The following TMPRSS7 variants were observed in gnomAD, a reference collection of about 807,000 sequenced individuals.
TMPRSS7 encodes transmembrane serine protease 7.
A neutral mutation model predicts 95.6 loss-of-function variants in TMPRSS7; 81 were observed. That is an observed-to-expected ratio of 0.85 (90% CI 0.71 to 1.02). TMPRSS7 has a LOEUF of 1.02. Among genes scored for constraint, TMPRSS7 ranks in the 50% least tolerant of loss-of-function variants. The probability of loss-of-function intolerance (pLI) is 0.00; values close to 1 mark genes in which losing one functional copy is unlikely to be tolerated. For synonymous variants in TMPRSS7, 364 were observed against 337.8 expected, an observed-to-expected ratio of 1.08 and a Z score of -0.85; for missense variants, 945 against 955.2, an observed-to-expected ratio of 0.99 and a Z score of 0.14.
chr3:112,046,065 G>A lies in TMPRSS7; in HGVS notation c.691+122G>A, dbSNP rs116816360. 1.3e-3 allele frequency: 1,141 copies of A among 871,406 alleles called. 10 individuals carry two copies. The highest frequency in any genetic ancestry group is 0.013 in the African/African-American group (744 of 58,772). 54.0% of individuals were successfully genotyped at this position (871,406 alleles called of 1,614,324 possible). On this transcript the variant is annotated intron_variant, in intron 5 of 17. Coordinates refer to ENST00000452346, the Ensembl canonical transcript of TMPRSS7. ...GGGATTACCCCACAATCCCAGTGGC[G>A]CAGGATTAACTAAAGACATTGGAGC... is the stretch of plus-strand genomic sequence containing the variant.
intron 6 of TMPRSS7, chr3:112,047,454 T>G (rs980733505): frequency 5.1e-6 from 3 of 587,410 alleles, no homozygotes; most frequent in Admixed American, 4.3e-5. Context: ...GACATGCCTA[T>G]TCTTGAAATG....
intron 2 of TMPRSS7, among the ~76,000 whole-genome samples, chr3:112,039,930 T>C (rs763798741): frequency 2.0e-5 from 3 of 152,092 alleles, no homozygotes; most frequent in Non-Finnish European, 4.4e-5. Flanking sequence ...CCTTTAACCT[T>C]TGGGGTCTGA....
At chr3:112,074,339 T>G in exon 14 of TMPRSS7, 1 of 1,614,140 alleles carries the variant, frequency 6.2e-7, no homozygotes, top group Non-Finnish European at 8.5e-7. Context: ...GCAATGATAT[T>G]TGCTTTAGGA....
At chr3:112,043,135 T>C (rs2073232017) in intron 3 of TMPRSS7, 1 of 455,858 alleles carries the variant, frequency 2.2e-6, no homozygotes. Flanking sequence ...GATACTGTTG[T>C]ACAAACATCA....
intron 9 of TMPRSS7, among the ~76,000 whole-genome samples, chr3:112,053,111 G>A (rs1214060979): frequency 2.0e-5 from 3 of 151,612 alleles, no homozygotes; most frequent in Admixed American, 6.6e-5. Flanking sequence ...AAAACATCAG[G>A]GCATGTTACT....
chr3:112,071,634 C>T (rs60596183), intron 13 of TMPRSS7, among the ~76,000 whole-genome samples: 4,556 of 152,168 alleles, frequency 0.03, 190 homozygotes, highest in African/African-American at 0.088. Context: ...TCTTGGAGAC[C>T]TTGTTCATTT....
At chr3:112,055,150 C>T (rs1350667505) in intron 9 of TMPRSS7, among the ~76,000 whole-genome samples, 2 of 152,078 alleles carry the variant, frequency 1.3e-5, no homozygotes, top group African/African-American at 2.4e-5. Flanking sequence ...AATCCTTTTC[C>T]GATTGAGCCC....
At chr3:112,079,400 C>T (rs2107766110) in intron 17 of TMPRSS7, among the ~76,000 whole-genome samples, 1 of 152,244 alleles carries the variant, frequency 6.6e-6, no homozygotes, top group African/African-American at 2.4e-5. Context: ...ACATGATTGC[C>T]AAAGAGTAAA....
intron 9 of TMPRSS7, among the ~76,000 whole-genome samples, chr3:112,053,203 A>T (rs192570348): frequency 1.3e-5 from 2 of 150,970 alleles, no homozygotes; most frequent in Admixed American, 1.3e-4. Context: ...AAACTCGATG[A>T]CTTAAGTAAC....
exon 10 of TMPRSS7, chr3:112,057,105 T>C (rs1429199263): frequency 6.2e-7 from 1 of 1,612,732 alleles, no homozygotes; most frequent in Non-Finnish European, 8.5e-7. Context: ...GCTGTGAGCA[T>C]GGATGGTGGG....
intron 13 of TMPRSS7, 127 bp downstream of exon 13, chr3:112,066,629 G>A: frequency 1.3e-6 from 1 of 782,742 alleles, no homozygotes; most frequent in African/African-American, 1.7e-5. Context: ...AACTTCTCCA[G>A]TTTTAGCACT....
intron 3 of TMPRSS7, chr3:112,043,202 G>A: frequency 2.3e-6 from 1 of 431,126 alleles, no homozygotes. Context: ...CAGGCTAGAT[G>A]GTATAGCCTA....
chr3:112,075,509 CT>C lies in TMPRSS7; in HGVS notation c.1955+19del. 7.1e-7 allele frequency: 1 copy of C among 1,412,068 alleles called. No homozygotes were observed. Among genetic ancestry groups the C allele is most frequent in the Non-Finnish European group, 9.3e-7 (1 of 1,075,248 alleles). 87.5% of individuals were successfully genotyped at this position (1,412,068 alleles called of 1,614,324 possible). ...TGGAAACAGGTAGGGCCTCACGGTC[CT>C]TACTTTCAAGTGGCACTCTGTGGCC... is the stretch of plus-strand genomic sequence containing the variant. On this transcript the variant is annotated intron_variant, in intron 15 of 17. Coordinates refer to ENST00000452346, the Ensembl canonical transcript of TMPRSS7.
intron 1 of TMPRSS7, among the ~76,000 whole-genome samples, chr3:112,036,026 G>A (rs1407471478): frequency 6.6e-6 from 1 of 152,190 alleles, no homozygotes; most frequent in Non-Finnish European, 1.5e-5. Context: ...ACAACCGTAT[G>A]TAAACACACA....
At position 112,056,178 on chromosome 3, in the gene TMPRSS7, C is replaced by G. The variant is rs1208627773; in HGVS notation, c.1204-847C>G. Among the ~76,000 whole-genome samples, 4 of 152,096 alleles carry G rather than the reference C, an allele frequency of 2.6e-5. 1 individual carries two copies. Among genetic ancestry groups the G allele is most frequent in the Admixed American group, 2.6e-4 (4 of 15,280 alleles). ...GATATTAAATATTGAATATCATACA[C>G]GAGTTTCATATTATAGATATGCAGA... On this transcript the variant is annotated intron_variant, in intron 9 of 17. Transcript: ENST00000452346.
chr3:112,079,026 C>T, intron 17 of TMPRSS7, 148 bp downstream of exon 17: 1 of 922,390 alleles, frequency 1.1e-6, no homozygotes, highest in South Asian at 2.1e-5. Flanking sequence ...CATCCAATTG[C>T]CTAAGATCTT....
chr3:112,069,237 T>C (rs1477563048), intron 13 of TMPRSS7, among the ~76,000 whole-genome samples: 3 of 152,234 alleles, frequency 2.0e-5, no homozygotes, highest in Admixed American at 6.5e-5. Context: ...GTGTGTTTTA[T>C]TGAGGATTTT....
At chr3:112,069,592 G>T (rs1471789687) in intron 13 of TMPRSS7, among the ~76,000 whole-genome samples, 1 of 152,182 alleles carries the variant, frequency 6.6e-6, no homozygotes, top group Non-Finnish European at 1.5e-5. Context: ...ATTTCTTCTA[G>T]ATTTTCTAGT....
exon 6 of TMPRSS7, chr3:112,046,998 C>T (rs2073286983): frequency 1.4e-6 from 1 of 702,684 alleles, no homozygotes; most frequent in Non-Finnish European, 2.6e-6. Flanking sequence ...GATTACTCGT[C>T]AACCATAGGA....
Sources: gnomAD v4.1 joint callset for allele counts (sites outside exome capture counted in the v4.1 genomes callset) on GRCh38, gnomAD v4.1.1 for gene constraint, MANE v1.5 for transcripts, NCBI Gene and HGNC (gene_info 2026-07-23, HGNC 2026-07-21) for gene names.